The following MAP4K1 variants were observed in gnomAD, a reference collection of about 807,000 sequenced individuals.
MAP4K1 encodes MAPK/ERK kinase kinase kinase 1.
In MAP4K1, 35 loss-of-function variants were observed where a neutral mutation model predicts 122.8. The observed-to-expected ratio is 0.29, with a 90% CI of 0.22 to 0.38. The LOEUF is 0.38. Ranked by LOEUF, MAP4K1 falls within the 10% of genes least tolerant of loss-of-function variation. The pLI, the probability that MAP4K1 is intolerant of heterozygous loss-of-function variation, is 1.00. For synonymous variants in MAP4K1, 412 were observed against 421.3 expected, an observed-to-expected ratio of 0.98 and a Z score of 0.27; for missense variants, 791 against 1,072.6, an observed-to-expected ratio of 0.74 and a Z score of 3.67.
chr19:38,614,545 G>T, intron 4 of MAP4K1, 100 bp from the exon 5 acceptor site: 1 of 1,305,980 alleles, frequency 7.7e-7, no homozygotes, highest in Non-Finnish European at 1.1e-6. Flanking sequence ...GGTGCCATAG[G>T]GAGAGGGGAA....
intron 17 of MAP4K1, 108 bp downstream of exon 17, chr19:38,606,065 C>A (rs1975320299): frequency 2.3e-6 from 2 of 882,992 alleles, no homozygotes; most frequent in Non-Finnish European, 3.6e-6. Flanking sequence ...CCTGGTCTCC[C>A]CAATTCCCTG....
chr19:38,617,388 C>T lies in MAP4K1; in HGVS notation c.214G>A (p.Ala72Thr), dbSNP rs781514607. The change falls in exon 3 of 31, where the codon GCC (alanine) becomes ACC (threonine). Residue 72 changes from alanine to threonine, a missense_variant. This residue lies in a region of MAP4K1 where 163 missense variants were observed against 286.1 expected (regional missense o/e 0.57). Coordinates refer to ENST00000396857, the MANE Select transcript of MAP4K1 (RefSeq NM_001042600.3). This position sits in a 1 kb window ranked among gnomAD's most constrained non-coding sequence, Gnocchi z 4.1. ...CTCCCATGGTAGGCCACGATGTTGGCGTGCCGGCAAGTTTTCAATATGAGG... is the reference window on the plus strand; with the variant it reads ...CTCCCATGGTAGGCCACGATGTTGGTGTGCCGGCAAGTTTTCAATATGAGG... ...EILILKTCRH[A>T]NIVAYHGSYL... 22 of 1,613,670 alleles carry T rather than the reference C, an allele frequency of 1.4e-5. No homozygotes were observed. Among genetic ancestry groups the T allele is most frequent in the South Asian group, 6.6e-5 (6 of 91,078 alleles).
At chr19:38,610,097 A>G (rs13345885) in intron 11 of MAP4K1, 72 bp from the exon 12 acceptor site, 190,822 of 1,088,616 alleles carry the variant, frequency 0.18, 22,056 homozygotes, top group Admixed American at 0.37. Context: ...GACAGAGAGG[A>G]CTGGTACAGG....
At position 38,605,708 on chromosome 19, in the gene MAP4K1, T is replaced by C; in HGVS notation, c.1223A>G (p.Asp408Gly). ...PPKPKFRSPS[D>G]EGPGSMGDDG... is the part of the protein sequence containing the mutation. ...ATCCCCCATGCTCCCAGGACCCTCGTCTGATGGAGAACGGAACTTGGGCTT... is the reference window on the plus strand; with the variant it reads ...ATCCCCCATGCTCCCAGGACCCTCGCCTGATGGAGAACGGAACTTGGGCTT... Residue 408 changes from aspartate to glycine, a missense_variant, in exon 18 of 31, where the codon GAC (aspartate) becomes GGC (glycine). Asp to Gly is a moderately conservative substitution (Grantham distance 94). Coordinates refer to ENST00000396857, the MANE Select transcript of MAP4K1 (RefSeq NM_001042600.3). 1.2e-6 allele frequency: 2 copies of C among 1,607,018 alleles called. No homozygotes were observed. The highest frequency in any genetic ancestry group is 1.7e-6 in the Non-Finnish European group (2 of 1,178,464).
intron 26 of MAP4K1, 23 bp from the exon 27 acceptor site, chr19:38,596,024 G>A: frequency 6.2e-7 from 1 of 1,608,506 alleles, no homozygotes; most frequent in Non-Finnish European, 8.5e-7. Context: ...AGTGGGTTAA[G>A]GATTGACCCC....
intron 17 of MAP4K1, 44 bp downstream of exon 17, chr19:38,606,129 T>A (rs770355519): frequency 5.3e-6 from 8 of 1,505,332 alleles, no homozygotes; most frequent in Non-Finnish European, 7.3e-6. Flanking sequence ...TGGCCCCCAG[T>A]GGCCCTGAGG....
intron 27 of MAP4K1, 70 bp downstream of exon 27, chr19:38,595,869 G>A: frequency 6.4e-7 from 1 of 1,572,258 alleles, no homozygotes; most frequent in Non-Finnish European, 8.8e-7. Context: ...AGAAGCACAA[G>A]TTCGGAGGCA....
chr19:38,594,519 A>T (rs1466421095), intron 29 of MAP4K1, among the ~76,000 whole-genome samples: 4 of 152,156 alleles, frequency 2.6e-5, no homozygotes, highest in Non-Finnish European at 5.9e-5. Context: ...GTGTACCTGT[A>T]ATCCCAGCTA....
At position 38,607,906 on chromosome 19, in the gene MAP4K1, T is replaced by G; in HGVS notation, c.1115A>C (p.Gln372Pro). The G allele has an allele frequency of 6.2e-7, 1 of 1,612,474 alleles. No homozygotes were observed. The highest frequency in any genetic ancestry group is 8.5e-7 in the Non-Finnish European group (1 of 1,179,386). The part of the protein sequence containing the change: ...RDLRSSSPRK[Q>P]LSESSDDDYD... ...GTCATCGTCAGACGACTCTGACAGT[T>G]GCTTCCTGAAGGGTGACAGGTATGA... is the stretch of plus-strand genomic sequence containing the variant. Residue 372 changes from glutamine to proline, a missense_variant, in exon 16 of 31, where the codon CAA becomes CCA. By Grantham distance (76) the Gln-to-Pro change is moderately conservative. Around this residue, in one of 4 missense-constraint regions of MAP4K1, gnomAD observed 303 missense variants for 344.8 expected, o/e 0.88. Transcript: ENST00000396857.
intron 17 of MAP4K1, 101 bp downstream of exon 17, chr19:38,606,072 C>T: frequency 1.1e-6 from 1 of 940,526 alleles, no homozygotes; most frequent in Non-Finnish European, 1.6e-6. Flanking sequence ...TCCCCAATTC[C>T]CTGCCCTGGA....
Position 38,609,928 on chromosome 19 carries a change from A to G in MAP4K1, c.908T>C (p.Ile303Thr), listed in dbSNP as rs964275695. The G allele has an allele frequency of 1.9e-5, 30 of 1,613,994 alleles. No individual in the cohort carries two copies. The highest frequency in any genetic ancestry group is 4.0e-5 in the African/African-American group (3 of 74,944). Residue 303 changes from isoleucine to threonine, a missense_variant, in exon 12 of 31, where the codon ATT becomes ACT. Coordinates refer to ENST00000396857, the MANE Select transcript of MAP4K1 (RefSeq NM_001042600.3). ...TCTCACCTCGGGCTCCTCATCCTCAATGTCCCCAATGGAGGGTCCTTTCCC... is the reference window on the plus strand; with the variant it reads ...TCTCACCTCGGGCTCCTCATCCTCAGTGTCCCCAATGGAGGGTCCTTTCCC... ...NPGKGPSIGD[I>T]EDEEPELPPA...
intron 27 of MAP4K1, 32 bp downstream of exon 27, chr19:38,595,907 T>TGGGGAGGAA (rs748199755): frequency 3.1e-6 from 5 of 1,605,854 alleles, no homozygotes; most frequent in East Asian, 2.2e-5. Flanking sequence ...GCTGGAGGGG[T>TGGGGAGGAA]GGGGAGGAAG....
chr19:38,603,241 T>TAC (rs1158965070), intron 19 of MAP4K1, among the ~76,000 whole-genome samples: 2 of 148,580 alleles, frequency 1.3e-5, no homozygotes, highest in Non-Finnish European at 3.0e-5. Flanking sequence ...CACATATATA[T>TAC]ACACATGTAC....
At chr19:38,603,211 TATATACAC>T (rs1186379988) in intron 19 of MAP4K1, among the ~76,000 whole-genome samples, 1 of 148,384 alleles carries the variant, frequency 6.7e-6, no homozygotes, top group East Asian at 2.0e-4. Flanking sequence ...TACACATACA[TATATACAC>T]ATATACATAT....
chr19:38,592,166 T>C (rs574269784), intron 30 of MAP4K1, among the ~76,000 whole-genome samples: 1 of 152,122 alleles, frequency 6.6e-6, no homozygotes, highest in African/African-American at 2.4e-5. Flanking sequence ...CCTAGCTACT[T>C]GGGAGGCTGA....
Position 38,601,508 on chromosome 19 carries a change from T to C in MAP4K1, c.1464A>G (p.Val488=). The C allele has an allele frequency of 1.9e-6, 3 of 1,608,360 alleles. No homozygotes were observed. The highest frequency in any genetic ancestry group is 2.5e-6 in the Non-Finnish European group (3 of 1,177,744). The change falls in exon 20 of 31, where the codon GTA becomes GTG. Residue 488 remains valine (V), a synonymous_variant. Coordinates refer to ENST00000396857, the MANE Select transcript of MAP4K1 (RefSeq NM_001042600.3). ...KMKRKGCALL[V]KLFNGCPLRI... The stretch of plus-strand genomic sequence containing the variant: ...GGAGGGGGCAGCCATTGAACAACTT[T>C]ACGAGAAGGGCACATCCCTGGGCAG...
At chr19:38,616,060 C>T (rs1975639971) in intron 4 of MAP4K1, 135 bp downstream of exon 4, 2 of 618,878 alleles carry the variant, frequency 3.2e-6, no homozygotes, top group Admixed American at 3.3e-5. Context: ...TCAGCTCAGC[C>T]CAGGAGTTTG....
chr19:38,593,242 C>G (rs1187618473), intron 30 of MAP4K1, 40 bp downstream of exon 30: 18 of 1,585,522 alleles, frequency 1.1e-5, no homozygotes, highest in Non-Finnish European at 1.5e-5. Flanking sequence ...ACATCAGAAG[C>G]CCCCTCCCAG....
chr19:38,610,372 ATTTTTTTTTTTTTTTTTT>A (rs35103992), intron 11 of MAP4K1, among the ~76,000 whole-genome samples: 1 of 76,178 alleles, frequency 1.3e-5, no homozygotes, highest in East Asian at 4.0e-4. Context: ...CGCCCAGCTA[ATTTTTTTTTTTTTTTTTT>A]TTTTTTTTTT....
Sources: gnomAD v4.1 joint callset for allele counts (sites outside exome capture counted in the v4.1 genomes callset) on GRCh38, gnomAD v4.1.1 for gene constraint, gnomAD v4.1.1 regional missense constraint, Gnocchi (gnomAD v3.1) non-coding constraint, MANE v1.5 for transcripts, NCBI Gene and HGNC (gene_info 2026-07-23, HGNC 2026-07-21) for gene names.